Variants in KAT6A observed in about 807,000 individuals in gnomAD.
KAT6A encodes lysine acetyltransferase 6A.
A neutral mutation model predicts 198.4 loss-of-function variants in KAT6A; 9 were observed. The observed-to-expected ratio is 0.05, with a 90% CI of 0.03 to 0.08. The LOEUF (loss-of-function observed/expected upper bound fraction) is 0.08, where lower values mean the gene tolerates loss of function less well. Among genes scored for constraint, KAT6A ranks in the 10% least tolerant of loss-of-function variants. The probability of loss-of-function intolerance (pLI) is 1.00; values close to 1 mark genes in which losing one functional copy is unlikely to be tolerated. For synonymous variants in KAT6A, 890 were observed against 883.0 expected (o/e 1.01, Z -0.14); for missense variants, 2,077 against 2,509.9 (o/e 0.83, Z 3.69).
At chr8:41,998,607 C>G (rs1348144991) in intron 2 of KAT6A, among the ~76,000 whole-genome samples, 1 of 152,074 alleles carries the variant, frequency 6.6e-6, no homozygotes, top group Non-Finnish European at 1.5e-5. Flanking sequence ...TTAGTATATA[C>G]TAAGTAAGCG....
Position 41,987,524 on chromosome 8 carries a change from C to G in KAT6A, c.640G>C (p.Gly214Arg), listed in dbSNP as rs1824681224. The G allele has an allele frequency of 6.2e-7, 1 of 1,613,326 alleles. No homozygotes were observed. The highest frequency in any genetic ancestry group is 8.5e-7 in the Non-Finnish European group (1 of 1,179,468). ...EPIPICSFCLGTKEQNREKKP... is the reference protein window; with the variant it reads ...EPIPICSFCLRTKEQNREKKP... ...TTTTCTCGGTTTTGTTCTTTTGTAC[C>G]AAGACAGAAACTACAGATGGGGATT... Residue 214 changes from glycine (G) to arginine (R), a missense_variant, in exon 3 of 17, where the codon GGT (glycine) becomes CGT (arginine). Gly to Arg is a moderately radical substitution (Grantham distance 125). Coordinates refer to ENST00000265713, the MANE Select transcript of KAT6A (RefSeq NM_006766.5).
At chr8:42,043,411 T>C (rs1330898196) in intron 2 of KAT6A, 1 of 152,160 alleles carries the variant, frequency 6.6e-6, no homozygotes, top group Non-Finnish European at 1.5e-5. Flanking sequence ...ACCTTGCCTA[T>C]CAGAAAATGT....
At chr8:42,039,244 T>C (rs1193502508) in intron 2 of KAT6A, among the ~76,000 whole-genome samples, 1 of 152,206 alleles carries the variant, frequency 6.6e-6, no homozygotes, top group East Asian at 1.9e-4. Flanking sequence ...AATAACTTTA[T>C]CAGAGTGAAG....
At chr8:42,035,183 G>T (rs1184394261) in intron 2 of KAT6A, among the ~76,000 whole-genome samples, 3 of 152,180 alleles carry the variant, frequency 2.0e-5, no homozygotes, top group Admixed American at 6.5e-5. Flanking sequence ...GGATGGAATA[G>T]AACTGAATCC....
chr8:42,024,863 T>C (rs1420756327), intron 2 of KAT6A, among the ~76,000 whole-genome samples: 1 of 152,208 alleles, frequency 6.6e-6, no homozygotes, highest in Non-Finnish European at 1.5e-5. Context: ...GATACTTAGG[T>C]TGATTCCATA....
chr8:41,934,713 T>C lies in KAT6A; in HGVS notation c.3507A>G (p.Arg1169=). The change falls in exon 17 of 17, where the codon CGA becomes CGG. Residue 1169 remains arginine, a synonymous_variant. Transcript: ENST00000265713. ...CCCGACTCAACTTAAATCCTGGTTT[T>C]CGACCAGGTCTTTTCTTCCAGTGGA... ...KPIHWKKRPG[R]KPGFKLSREI... The C allele has an allele frequency of 1.2e-6, 2 of 1,614,234 alleles. No homozygotes were observed. Among genetic ancestry groups the C allele is most frequent in the Non-Finnish European group, 1.7e-6 (2 of 1,180,040 alleles).
At chr8:41,997,877 T>C (rs1825296958) in intron 2 of KAT6A, among the ~76,000 whole-genome samples, 1 of 152,148 alleles carries the variant, frequency 6.6e-6, no homozygotes, top group Non-Finnish European at 1.5e-5. Context: ...CTGATAAACA[T>C]CTACTGACAA....
chr8:42,024,938 T>C (rs1302948912), intron 2 of KAT6A, among the ~76,000 whole-genome samples: 1 of 152,214 alleles, frequency 6.6e-6, no homozygotes, highest in Non-Finnish European at 1.5e-5. Flanking sequence ...GATATGCTGA[T>C]TCTCCTTCCT....
At chr8:42,034,245 G>A (rs1289251569) in intron 2 of KAT6A, among the ~76,000 whole-genome samples, 4 of 152,210 alleles carry the variant, frequency 2.6e-5, no homozygotes, top group Non-Finnish European at 4.4e-5. Context: ...ATCGCCTGGA[G>A]GACTTACTAA....
intron 2 of KAT6A, among the ~76,000 whole-genome samples, chr8:42,017,946 G>C (rs1374051125): frequency 2.6e-5 from 4 of 152,136 alleles, no homozygotes; most frequent in Admixed American, 2.6e-4. Flanking sequence ...TTTATTGAAT[G>C]ACTAAAGGGA....
At chr8:41,948,545 A>G (rs1220295970) in intron 10 of KAT6A, among the ~76,000 whole-genome samples, 2 of 152,206 alleles carry the variant, frequency 1.3e-5, no homozygotes, top group African/African-American at 4.8e-5. Flanking sequence ...TGGAGTTGCC[A>G]GAGCTTTCTA....
At chr8:41,993,013 T>A (rs1164338317) in intron 2 of KAT6A, among the ~76,000 whole-genome samples, 1 of 150,762 alleles carries the variant, frequency 6.6e-6, no homozygotes, top group Non-Finnish European at 1.5e-5. Flanking sequence ...GCAAAAAAAA[T>A]GGTATTCAAA....
Position 41,937,271 on chromosome 8 carries a change from A to C in KAT6A, c.3337T>G (p.Ser1113Ala), listed in dbSNP as rs752758259. The C allele has an allele frequency of 6.2e-7, 1 of 1,611,908 alleles. No homozygotes were observed. Among genetic ancestry groups the C allele is most frequent in the Admixed American group, 1.7e-5 (1 of 59,962 alleles). ...KSKDEEEDEESDDADDTPILK... is the reference protein window; with the variant it reads ...KSKDEEEDEEADDADDTPILK... ...TAAAACATACCATCAGCATCATCTG[A>C]CTCTTCATCTTCTTCTTCATCTTTA... Residue 1113 changes from serine to alanine, a missense_variant, in exon 16 of 17, where the codon TCA (serine) becomes GCA (alanine). By Grantham distance (99) the Ser-to-Ala change is moderately conservative (BLOSUM62 1). Transcript: ENST00000265713.
At chr8:41,983,680 A>C (rs1824468412) in intron 3 of KAT6A, among the ~76,000 whole-genome samples, 2 of 152,232 alleles carry the variant, frequency 1.3e-5, no homozygotes, top group Non-Finnish European at 2.9e-5. Flanking sequence ...TGTATTAAAC[A>C]TTTTTATAGC....
chr8:41,976,815 A>C (rs1824077327), intron 7 of KAT6A, among the ~76,000 whole-genome samples, 193 bp downstream of exon 7: 1 of 152,220 alleles, frequency 6.6e-6, no homozygotes, highest in Non-Finnish European at 1.5e-5. Flanking sequence ...CCATTCTGCA[A>C]CTTTATTTCC....
chr8:41,949,382 C>T lies in KAT6A; in HGVS notation c.1599-19G>A. 1 of 1,461,840 alleles carries T rather than the reference C, an allele frequency of 6.8e-7. No individual in the cohort carries two copies. Among genetic ancestry groups the T allele is most frequent in the East Asian group, 2.6e-5 (1 of 38,252 alleles). 90.6% of individuals were successfully genotyped at this position (1,461,840 alleles called of 1,614,324 possible). On this transcript the variant is annotated intron_variant, in intron 9 of 16. Coordinates refer to ENST00000265713, the MANE Select transcript of KAT6A (RefSeq NM_006766.5). Reference sequence around the variant, plus strand: ...GGGCAGCCTGTAAACGATAATTAAACAAAAAAGACAGGGCTTTATATTTTA... The same window carrying T: ...GGGCAGCCTGTAAACGATAATTAAATAAAAAAGACAGGGCTTTATATTTTA...
chr8:42,022,102 C>G (rs1327220650), intron 2 of KAT6A, among the ~76,000 whole-genome samples: 1 of 152,178 alleles, frequency 6.6e-6, no homozygotes, highest in East Asian at 1.9e-4. Flanking sequence ...TCAACACAGA[C>G]AATCTTCTTT....
intron 8 of KAT6A, among the ~76,000 whole-genome samples, chr8:41,967,286 T>TATTTATTTATTC (rs1823553891): frequency 6.7e-6 from 1 of 149,922 alleles, no homozygotes; most frequent in African/African-American, 2.4e-5. Context: ...TTTATTTATT[T>TATTTATTTATTC]ATTTATTTAT....
In KAT6A at chr8:42,048,588, A is replaced by G. The variant is rs1564089428; in HGVS notation, c.390T>C (p.Asp130=). The G allele has an allele frequency of 1.2e-6, 2 of 1,614,244 alleles. No homozygotes were observed. The highest frequency in any genetic ancestry group is 1.7e-6 in the Non-Finnish European group (2 of 1,180,042). ...SIERFLKGQK[D]VSALFGGSAA... ...CACTGCCTCCGAATAATGCAGACACATCCTTCTGACCTTTCAAAAAACGTT... is the reference window on the plus strand; with the variant it reads ...CACTGCCTCCGAATAATGCAGACACGTCCTTCTGACCTTTCAAAAAACGTT... Residue 130 remains aspartate (D), a synonymous_variant, in exon 2 of 17, where the codon GAT becomes GAC. Transcript: ENST00000265713.
Sources: allele counts gnomAD v4.1 joint callset (sites outside exome capture counted in the v4.1 genomes callset), GRCh38; gene constraint gnomAD v4.1.1; transcripts MANE v1.5; gene names NCBI Gene and HGNC (gene_info 2026-07-23, HGNC 2026-07-21).